Variants in ADCY3 observed in about 807,000 individuals in gnomAD.
ADCY3 encodes the protein adenylate cyclase 3, also known as adenylate cyclase type 3.
A neutral mutation model predicts 119.4 loss-of-function variants in ADCY3; 70 were observed. The ratio of observed to expected loss-of-function variants is 0.59; its 90% CI spans 0.48 to 0.72. The LOEUF (loss-of-function observed/expected upper bound fraction) is 0.72, where lower values mean the gene tolerates loss of function less well. ADCY3 is among the 30% of genes least tolerant of loss of function. ADCY3 has a pLI of 0.00. For synonymous variants in ADCY3, 672 were observed against 621.4 expected, an observed-to-expected ratio of 1.08 and a Z score of -1.21; for missense variants, 1,238 against 1,541.6, an observed-to-expected ratio of 0.80 and a Z score of 3.30.
chr2:24,885,569 G>T (rs1013534016), intron 2 of ADCY3, among the ~76,000 whole-genome samples: 1 of 152,058 alleles, frequency 6.6e-6, no homozygotes, highest in Non-Finnish European at 1.5e-5. Context: ...ATCCCAGCTG[G>T]TCTTTCCAGG....
intron 2 of ADCY3, among the ~76,000 whole-genome samples, chr2:24,901,436 TAA>T (rs1196567811): frequency 6.6e-6 from 1 of 152,166 alleles, no homozygotes; most frequent in Non-Finnish European, 1.5e-5. Context: ...CTAAAAAAAG[TAA>T]AGTGAGTATT....
chr2:24,838,987 G>A (rs1572851811), intron 7 of ADCY3: 2 of 1,106,882 alleles, frequency 1.8e-6, no homozygotes, highest in East Asian at 4.8e-5. Context: ...CTGTCGCCCA[G>A]GATGGAGTGC....
chr2:24,857,215 G>C (rs1673104425), intron 3 of ADCY3, among the ~76,000 whole-genome samples: 1 of 152,260 alleles, frequency 6.6e-6, no homozygotes, highest in Non-Finnish European at 1.5e-5. Context: ...AGTCCCCAGA[G>C]ACAGGGGCCA....
At chr2:24,821,232 C>A (rs935157376) in intron 20 of ADCY3, 9 of 456,582 alleles carry the variant, frequency 2.0e-5, no homozygotes, top group Non-Finnish European at 3.5e-5. Context: ...CACAGCAACC[C>A]CTCTGGAAAT....
At chr2:24,910,453 T>A (rs527513725) in intron 2 of ADCY3, among the ~76,000 whole-genome samples, 78 of 152,282 alleles carry the variant, frequency 5.1e-4, no homozygotes, top group African/African-American at 1.9e-3. Context: ...GGGCTGTTTG[T>A]TACACAGCAG....
chr2:24,887,611 C>G (rs529448511), intron 2 of ADCY3, among the ~76,000 whole-genome samples: 2 of 152,030 alleles, frequency 1.3e-5, no homozygotes, highest in African/African-American at 2.4e-5. Flanking sequence ...CCCATGACCA[C>G]GTGTCCCAGC....
In ADCY3 at chr2:24,860,887, G is replaced by GGA. The variant is rs1401684522; in HGVS notation, c.825+11681_825+11682dup. 6.6e-5 allele frequency among the ~76,000 whole-genome samples: 10 copies of GGA among 152,334 alleles called. No homozygotes were observed. The South Asian group carries it at 1.9e-3, about 28-fold the overall frequency. On this transcript the variant is annotated intron_variant, in intron 3 of 21. Coordinates refer to ENST00000679454, the MANE Select transcript of ADCY3 (RefSeq NM_004036.5). ...AGAGGAGGAAGCTGAGGCCCAGCGA[G>GGA]GAGACACCTGCTGGGACAGCCACAT...
At chr2:24,858,455 A>T (rs1441488321) in intron 3 of ADCY3, among the ~76,000 whole-genome samples, 1 of 152,224 alleles carries the variant, frequency 6.6e-6, no homozygotes, top group Non-Finnish European at 1.5e-5. Flanking sequence ...CCTGTTAATT[A>T]ACAGATCTCC....
chr2:24,829,463 C>CT (rs1669130623), intron 13 of ADCY3, among the ~76,000 whole-genome samples: 1 of 123,882 alleles, frequency 8.1e-6, no homozygotes. Context: ...CACTCTGTTG[C>CT]CAGGCTGGAG....
At position 24,872,595 on chromosome 2, in the gene ADCY3, T is replaced by C; in HGVS notation, c.800A>G (p.Asn267Ser). The C allele has an allele frequency of 6.2e-7, 1 of 1,614,162 alleles. No homozygotes were observed. Among genetic ancestry groups the C allele is most frequent in the Non-Finnish European group, 8.5e-7 (1 of 1,180,014 alleles). ...CTGCTGCTGGCTCTGCTCTTCCAGG[T>C]TCATCTTCACCTCCAGCGACTGGCG... ...EARQSLEVKMNLEEQSQQQEN... is the reference protein window; with the variant it reads ...EARQSLEVKMSLEEQSQQQEN... The change falls in exon 3 of 22, where the codon AAC becomes AGC. Residue 267 changes from asparagine to serine, a missense_variant. Coordinates refer to ENST00000679454, the MANE Select transcript of ADCY3 (RefSeq NM_004036.5). This position sits in a 1 kb window ranked among gnomAD's most constrained non-coding sequence, Gnocchi z 4.4.
intron 2 of ADCY3, among the ~76,000 whole-genome samples, chr2:24,886,798 G>A (rs115947964): frequency 0.031 from 4,702 of 152,326 alleles, 103 homozygotes; most frequent in African/African-American, 0.06. Flanking sequence ...AGGGGAAGGG[G>A]GAAGCCCAGC....
chr2:24,860,395 C>T (rs559535748), intron 3 of ADCY3, among the ~76,000 whole-genome samples: 4 of 152,366 alleles, frequency 2.6e-5, no homozygotes, highest in South Asian at 2.1e-4. Flanking sequence ...GGCGGCCCCG[C>T]ACCACAGGGA....
At chr2:24,913,837 G>A (rs1664099672) in intron 2 of ADCY3, among the ~76,000 whole-genome samples, 1 of 152,170 alleles carries the variant, frequency 6.6e-6, no homozygotes, top group South Asian at 2.1e-4. Context: ...GGTCTTAACA[G>A]GCTCTTCATT....
chr2:24,873,579 G>A (rs1675290672), intron 2 of ADCY3, among the ~76,000 whole-genome samples: 1 of 152,204 alleles, frequency 6.6e-6, no homozygotes, highest in African/African-American at 2.4e-5. Flanking sequence ...GGGTAACCTT[G>A]GATACAGATC....
chr2:24,834,434 GGCACCACCGCA>G lies in ADCY3; in HGVS notation c.1967+40_1967+50del, dbSNP rs1169364742. 7.3e-7 allele frequency: 1 copy of G among 1,373,734 alleles called. No homozygotes were observed. Among genetic ancestry groups the G allele is most frequent in the African/African-American group, 1.6e-5 (1 of 61,784 alleles). The allele number at this position is 1,373,734 out of a possible 1,614,324, so 85.1% of individuals were successfully genotyped here. A position where few individuals can be genotyped will look rare whatever the true frequency, so the allele number is the denominator to read the frequency against. ...AGACACCTGCCCCCGCCCCCCGCCC[GGCACCACCGCA>G]GCCGAGGAAACTCGTGGCCCTCCCC... On this transcript the variant is annotated intron_variant, in intron 11 of 21. Coordinates refer to ENST00000679454, the MANE Select transcript of ADCY3 (RefSeq NM_004036.5). This position sits in a 1 kb window ranked among gnomAD's most constrained non-coding sequence, Gnocchi z 4.2.
At chr2:24,830,079 C>CTGTT (rs57908703) in intron 13 of ADCY3, among the ~76,000 whole-genome samples, 136,905 of 146,814 alleles carry the variant, frequency 0.93, 64,130 homozygotes, top group East Asian at 1. Flanking sequence ...GTCTTGCTGT[C>CTGTT]GCCTAGGCTG....
intron 3 of ADCY3, among the ~76,000 whole-genome samples, chr2:24,866,028 G>C (rs1488868967): frequency 6.6e-6 from 1 of 152,170 alleles, no homozygotes; most frequent in African/African-American, 2.4e-5. Context: ...ATACAACAGT[G>C]AGTCTGACTT....
chr2:24,866,205 C>T (rs1400574814), intron 3 of ADCY3, among the ~76,000 whole-genome samples: 1 of 152,130 alleles, frequency 6.6e-6, no homozygotes, highest in African/African-American at 2.4e-5. Context: ...GAAGCTATTT[C>T]CTATCTGCCC....
At chr2:24,909,317 G>A (rs534085894) in intron 2 of ADCY3, among the ~76,000 whole-genome samples, 3 of 152,216 alleles carry the variant, frequency 2.0e-5, no homozygotes, top group African/African-American at 7.2e-5. Context: ...TCTGAAGCTT[G>A]TGCACCTGCA....
Sources: gnomAD v4.1 joint callset for allele counts (sites outside exome capture counted in the v4.1 genomes callset) on GRCh38, gnomAD v4.1.1 for gene constraint, Gnocchi (gnomAD v3.1) non-coding constraint, MANE v1.5 for transcripts, NCBI Gene and HGNC (gene_info 2026-07-23, HGNC 2026-07-21) for gene names.